Variants in RAB3GAP1 observed in about 807,000 individuals in gnomAD.
RAB3GAP1 encodes rab3 GTPase-activating protein catalytic subunit.
In RAB3GAP1, 86 loss-of-function variants were observed where a neutral mutation model predicts 130.7. That is an observed-to-expected ratio of 0.66 (90% CI 0.55 to 0.79). The LOEUF is 0.79. RAB3GAP1 is among the 30% of genes least tolerant of loss of function. The pLI, the probability that RAB3GAP1 is intolerant of heterozygous loss-of-function variation, is 0.00. For missense variants in RAB3GAP1, 1,029 were observed against 1,169.4 expected, an observed-to-expected ratio of 0.88 and a Z score of 1.75; for synonymous variants, 367 against 401.7, an observed-to-expected ratio of 0.91 and a Z score of 1.03.
intron 6 of RAB3GAP1, among the ~76,000 whole-genome samples, chr2:135,113,836 T>C (rs944051951): frequency 1.3e-4 from 20 of 151,860 alleles, no homozygotes; most frequent in African/African-American, 4.8e-4. Flanking sequence ...ACCTCCTGAG[T>C]TCAAGCGACT....
At chr2:135,109,124 C>T (rs1488908364) in intron 5 of RAB3GAP1, among the ~76,000 whole-genome samples, 1 of 151,038 alleles carries the variant, frequency 6.6e-6, no homozygotes, top group Non-Finnish European at 1.5e-5. Flanking sequence ...CTCCAACTTT[C>T]TTCTTCTTCA....
At chr2:135,110,727 T>G (rs989096606) in intron 5 of RAB3GAP1, among the ~76,000 whole-genome samples, 1 of 152,232 alleles carries the variant, frequency 6.6e-6, no homozygotes, top group African/African-American at 2.4e-5. Flanking sequence ...GAAAAACAGT[T>G]GCAGTATTGT....
intron 3 of RAB3GAP1, among the ~76,000 whole-genome samples, chr2:135,076,901 T>C (rs908020624): frequency 6.6e-6 from 1 of 152,252 alleles, no homozygotes; most frequent in Admixed American, 6.5e-5. Flanking sequence ...GGTTCATTCA[T>C]GTTGTAACGT....
rs2104902545 is a variant in RAB3GAP1 at position 135,107,042 on chromosome 2, C to T, written c.363-6109C>T. Among the ~76,000 whole-genome samples, 5 of 146,466 alleles carry T rather than the reference C, an allele frequency of 3.4e-5. 1 individual carries two copies. In the South Asian group the frequency reaches 1.2e-3, roughly 35 times the overall value. The stretch of plus-strand genomic sequence containing the variant: ...AGAACAATACCCTTGGCTGACTTCT[C>T]ATCAGAAACAGTGGAGGCCAGAGGG... On this transcript the variant is annotated intron_variant, in intron 5 of 23. Transcript: ENST00000264158.
chr2:135,130,715 TCTC>T lies in RAB3GAP1; in HGVS notation c.1233_1235del (p.Leu412del), dbSNP rs1691512262. 6.8e-6 allele frequency: 11 copies of T among 1,611,598 alleles called. No homozygotes were observed. Among genetic ancestry groups the T allele is most frequent in the South Asian group, 1.1e-5 (1 of 91,024 alleles). ...TAAATAATGATGTTCTTAATACTAT[TCTC>T]CTGGTAACTAAATGTTCTGTCTTTA... On this transcript the variant is annotated inframe_deletion, in exon 13 of 24. Coordinates refer to ENST00000264158, the MANE Select transcript of RAB3GAP1 (RefSeq NM_012233.3).
At chr2:135,138,464 T>C (rs1400396660) in intron 17 of RAB3GAP1, among the ~76,000 whole-genome samples, 2 of 151,904 alleles carry the variant, frequency 1.3e-5, no homozygotes, top group Non-Finnish European at 2.9e-5. Flanking sequence ...AAATAAAAAG[T>C]GAAAGCCACC....
intron 5 of RAB3GAP1, among the ~76,000 whole-genome samples, chr2:135,108,199 TTA>T (rs1009789601): frequency 6.6e-6 from 1 of 152,132 alleles, no homozygotes; most frequent in African/African-American, 2.4e-5. Context: ...TAAAGCACAT[TTA>T]TATTTAAATA....
intron 3 of RAB3GAP1, among the ~76,000 whole-genome samples, chr2:135,087,525 G>T (rs1038806109): frequency 1.3e-5 from 2 of 152,140 alleles, no homozygotes; most frequent in Admixed American, 1.3e-4. Context: ...TGTATGTGAT[G>T]TATCTCTATT....
chr2:135,152,118 A>ATG, intron 18 of RAB3GAP1, among the ~76,000 whole-genome samples: 1 of 152,270 alleles, frequency 6.6e-6, no homozygotes, highest in South Asian at 2.1e-4. Flanking sequence ...TTAAGGAAAT[A>ATG]TGTAGTTATT....
chr2:135,132,760 C>T, intron 13 of RAB3GAP1, 135 bp from the exon 14 acceptor site: 1 of 646,542 alleles, frequency 1.5e-6, no homozygotes. Flanking sequence ...ACAAACTGGC[C>T]AATACAACTG....
At chr2:135,160,792 C>T (rs1558804763) in intron 19 of RAB3GAP1, among the ~76,000 whole-genome samples, 1 of 149,352 alleles carries the variant, frequency 6.7e-6, no homozygotes, top group African/African-American at 2.5e-5. Flanking sequence ...TGTATATAAT[C>T]AGAATCATTT....
rs769323485 is a variant in RAB3GAP1, at chr2:135,126,170, A to T, written c.831-11A>T. The T allele has an allele frequency of 1.9e-6, 3 of 1,600,300 alleles. No individual in the cohort carries two copies. The highest frequency in any genetic ancestry group is 2.6e-6 in the Non-Finnish European group (3 of 1,167,880). ...GTATTAAAGCTTTTGGGTATATTTTATGTTTTTTAGTGAACTCCATTTAGC... is the reference window on the plus strand; with the variant it reads ...GTATTAAAGCTTTTGGGTATATTTTTTGTTTTTTAGTGAACTCCATTTAGC... On this transcript the variant is annotated splice_polypyrimidine_tract_variant and intron_variant, in intron 9 of 23. Transcript: ENST00000264158.
At chr2:135,096,331 T>C (rs1690290010) in intron 5 of RAB3GAP1, among the ~76,000 whole-genome samples, 1 of 152,216 alleles carries the variant, frequency 6.6e-6, no homozygotes, top group Non-Finnish European at 1.5e-5. Context: ...CATTAATCTG[T>C]GTTTATCTTT....
chr2:135,135,914 C>G lies in RAB3GAP1; in HGVS notation c.1905C>G (p.Leu635=). The G allele has an allele frequency of 1.9e-6, 3 of 1,614,076 alleles. No individual in the cohort carries two copies. Among genetic ancestry groups the G allele is most frequent in the African/African-American group, 1.3e-5 (1 of 75,060 alleles). Residue 635 remains leucine (L), a synonymous_variant, in exon 17 of 24, where the codon CTC becomes CTG. Transcript: ENST00000264158. ...CACTGCTGCATAATGGAGAACCTCT[C>G]TACATTCCAGTAACCCAGGTAGGAT... ...KLTLLHNGEP[L]YIPVTQEPAP... is the part of the protein sequence containing the mutation.
intron 3 of RAB3GAP1, among the ~76,000 whole-genome samples, chr2:135,085,066 C>A (rs1388792989): frequency 6.6e-6 from 1 of 152,024 alleles, no homozygotes; most frequent in Non-Finnish European, 1.5e-5. Context: ...AGTTGTTAGG[C>A]ATAATTGTAA....
chr2:135,148,405 A>T (rs1001999619), intron 17 of RAB3GAP1, among the ~76,000 whole-genome samples: 1 of 152,144 alleles, frequency 6.6e-6, no homozygotes, highest in Admixed American at 6.5e-5. Context: ...TGGCTAGAAA[A>T]AGTTTGAAGA....
At chr2:135,168,412 C>T (rs1388891527) in intron 23 of RAB3GAP1, 133 bp from the exon 24 acceptor site, 10 of 830,760 alleles carry the variant, frequency 1.2e-5, no homozygotes, top group Middle Eastern at 5.4e-4. Context: ...GTAATCTTAA[C>T]ATATAGCTGA....
intron 3 of RAB3GAP1, among the ~76,000 whole-genome samples, chr2:135,084,088 T>A (rs1010409586): frequency 3.3e-5 from 5 of 151,936 alleles, no homozygotes; most frequent in African/African-American, 9.7e-5. Context: ...CTACTAAAAA[T>A]TAAAAAATGA....
chr2:135,095,198 A>G (rs548992528), intron 5 of RAB3GAP1, among the ~76,000 whole-genome samples: 2 of 152,238 alleles, frequency 1.3e-5, no homozygotes, highest in Admixed American at 1.3e-4. Context: ...ACATGTGTCC[A>G]CCACCACACC....
Sources: allele counts gnomAD v4.1 joint callset (sites outside exome capture counted in the v4.1 genomes callset), GRCh38; gene constraint gnomAD v4.1.1; transcripts MANE v1.5; gene names NCBI Gene and HGNC (gene_info 2026-07-23, HGNC 2026-07-21).